MFSD8: variants seen among roughly 807,000 people sequenced by gnomAD.
The protein encoded by MFSD8 is major facilitator superfamily domain-containing protein 8.
A neutral mutation model predicts 66.4 loss-of-function variants in MFSD8; 55 were observed. The ratio of observed to expected loss-of-function variants is 0.83; its 90% CI spans 0.67 to 1.04. MFSD8 has a LOEUF of 1.04. MFSD8 is among the 50% of genes least tolerant of loss of function. The probability of loss-of-function intolerance (pLI) is 0.00; values close to 1 mark genes in which losing one functional copy is unlikely to be tolerated. For missense variants in MFSD8, 550 were observed against 627.6 expected, an observed-to-expected ratio of 0.88 and a Z score of 1.32; for synonymous variants, 202 against 212.8, an observed-to-expected ratio of 0.95 and a Z score of 0.44.
At position 127,933,022 on chromosome 4, in the gene MFSD8, A is replaced by C. The variant is rs756815122; in HGVS notation, c.826T>G (p.Phe276Val). 3 of 1,613,826 alleles carry C rather than the reference A, an allele frequency of 1.9e-6. No individual in the cohort carries two copies. The South Asian group carries it at 3.3e-5, about 18-fold the overall frequency. ...GCAAAGATAAATAGAGTCACAAAAA[A>C]CAGAACATTGATGGCCACAACAGCA... ...QVAVVAINVL[F>V]FVTLFIFALF... Residue 276 changes from phenylalanine to valine, a missense_variant, in exon 8 of 12, where the codon TTT becomes GTT. By Grantham distance (50) the Phe-to-Val change is conservative. Transcript: ENST00000641686.
chr4:127,921,633 A>G lies in MFSD8; in HGVS notation c.1241T>C (p.Ile414Thr). Residue 414 changes from isoleucine (I) to threonine (T), a missense_variant, in exon 11 of 12, where the codon ATT (isoleucine) becomes ACT (threonine). Coordinates refer to ENST00000641686, the MANE Select transcript of MFSD8 (RefSeq NM_001371596.2). ...TGATGTAAGGAACTGGGCCAGATGA[A>G]TCACCGGGGTGTAGAGGCACCAGGC... is the stretch of plus-strand genomic sequence containing the variant. ...EQAWCLYTPVIHLAQFLTSAV... is the reference protein window; with the variant it reads ...EQAWCLYTPVTHLAQFLTSAV... 1 of 1,614,216 alleles carries G rather than the reference A, an allele frequency of 6.2e-7. No homozygotes were observed. The highest frequency in any genetic ancestry group is 1.1e-5 in the South Asian group (1 of 91,084).
At chr4:127,940,609 T>A (rs1450340006) in intron 5 of MFSD8, among the ~76,000 whole-genome samples, 2 of 149,890 alleles carry the variant, frequency 1.3e-5, no homozygotes, top group African/African-American at 2.5e-5. Flanking sequence ...AAAAAAAAAA[T>A]TATTTCATCC....
chr4:127,965,287 G>C, upstream of MFSD8: 1 of 947,252 alleles, frequency 1.1e-6, no homozygotes, highest in Admixed American at 2.1e-5. Context: ...CATAGGCGGG[G>C]TCACGCGGAA....
intron 2 of MFSD8, among the ~76,000 whole-genome samples, chr4:127,955,668 G>A (rs998503774): frequency 9.2e-5 from 14 of 152,000 alleles, no homozygotes; most frequent in Non-Finnish European, 2.1e-4. Context: ...ATGCAGGAAG[G>A]GTTCTCTGCT....
chr4:127,932,846 T>A (rs1329892811), intron 8 of MFSD8, 139 bp downstream of exon 8: 1 of 644,774 alleles, frequency 1.6e-6, no homozygotes, highest in Non-Finnish European at 2.7e-6. Context: ...ACAAAATGTA[T>A]ATACATTTTT....
Position 127,920,577 on chromosome 4 carries a change from T to A in MFSD8, c.*53A>T. 1 of 1,579,290 alleles carries A rather than the reference T, an allele frequency of 6.3e-7. No individual in the cohort carries two copies. Among genetic ancestry groups the A allele is most frequent in the East Asian group, 2.2e-5 (1 of 44,714 alleles). On this transcript the variant is annotated 3_prime_UTR_variant, in exon 12 of 12. Transcript: ENST00000641686. ...CTCACCGCAATTGTCTAGCAGAGCT[T>A]TAGACCAGGAAGTGCCACACAGCAA...
chr4:127,928,431 C>A (rs1737574631), intron 9 of MFSD8, among the ~76,000 whole-genome samples: 1 of 152,186 alleles, frequency 6.6e-6, no homozygotes, highest in East Asian at 1.9e-4. Flanking sequence ...CAAAATGATT[C>A]TTTTAAACAG....
intron 7 of MFSD8, among the ~76,000 whole-genome samples, chr4:127,935,700 C>A (rs928991885): frequency 1.3e-5 from 2 of 152,170 alleles, no homozygotes; most frequent in African/African-American, 4.8e-5. Context: ...TGCTGCCCAA[C>A]AGAACTGTGA....
chr4:127,938,582 CA>C lies in MFSD8; in HGVS notation c.754+200del, dbSNP rs1174151589. Among the ~76,000 whole-genome samples, 1,090 of 110,510 alleles carry C rather than the reference CA, an allele frequency of 9.9e-3. 29 individuals are homozygous for C. The highest frequency in any genetic ancestry group is 0.032 in the African/African-American group (910 of 28,546). The allele number at this position is 110,510 out of a possible 152,430, so 72.5% of individuals were successfully genotyped here. A position where few individuals can be genotyped will look rare whatever the true frequency, so the allele number is the denominator to read the frequency against. Reference sequence around the variant, plus strand: ...TGGGCGACAGAGCGAAACTCTGTCTCAAAAAAAAAAAAATAAATAAATAAAT... The same window carrying C: ...TGGGCGACAGAGCGAAACTCTGTCTCAAAAAAAAAAAATAAATAAATAAAT... On this transcript the variant is annotated intron_variant, in intron 7 of 11. Coordinates refer to ENST00000641686, the MANE Select transcript of MFSD8 (RefSeq NM_001371596.2).
chr4:127,943,750 A>T lies in MFSD8; in HGVS notation c.439+2T>A. 3.1e-6 allele frequency: 5 copies of T among 1,614,132 alleles called. No individual in the cohort carries two copies. Among genetic ancestry groups the T allele is most frequent in the Non-Finnish European group, 4.2e-6 (5 of 1,180,032 alleles). On this transcript the variant is annotated splice_donor_variant, in intron 4 of 11. Coordinates refer to ENST00000641686, the MANE Select transcript of MFSD8 (RefSeq NM_001371596.2). LOFTEE classifies it high-confidence loss of function. ...CAACCAAACATATACATACAACCTT[A>T]CCTGCTCCAATTCCCAACAATCCAC...
chr4:127,949,889 T>C (rs368064320), intron 2 of MFSD8, 42 bp from the exon 3 acceptor site: 43 of 1,516,978 alleles, frequency 2.8e-5, no homozygotes, highest in East Asian at 2.7e-4. Flanking sequence ...TATAATAATT[T>C]AATCATTATT....
rs554309925 is a variant in MFSD8 at position 127,963,182 on chromosome 4, A to C, written c.62+1890T>G. Among the ~76,000 whole-genome samples, 109 of 152,354 alleles carry C rather than the reference A, an allele frequency of 7.2e-4. 1 individual carries two copies. In the South Asian group the frequency reaches 0.013, roughly 18 times the overall value. On this transcript the variant is annotated intron_variant, in intron 1 of 11. Coordinates refer to ENST00000641686, the MANE Select transcript of MFSD8 (RefSeq NM_001371596.2). ...ATTAGTCTTTCTTTGTACATTTGGC[A>C]TAGGACAAAGGCGAGCTCATTTTGG...
chr4:127,923,534 T>G (rs1483909055), intron 9 of MFSD8, among the ~76,000 whole-genome samples: 7 of 130,564 alleles, frequency 5.4e-5, no homozygotes, highest in Middle Eastern at 3.7e-3. Flanking sequence ...TTTTCCAGTA[T>G]TTTATTTTTT....
rs1176834628 is a variant in MFSD8 at position 127,918,445 on chromosome 4, TA to T, written c.*2184del. ...TGTAAGGTTAAGTTTATCTAAATTT[TA>T]ATCAATATTATAAACCTTTGAAAGC... On this transcript the variant is annotated 3_prime_UTR_variant, in exon 12 of 12. Transcript: ENST00000641686. The T allele has an allele frequency of 6.6e-6, 1 of 152,220 alleles. No individual in the cohort carries two copies. Among genetic ancestry groups the T allele is most frequent in the African/African-American group, 2.4e-5 (1 of 41,464 alleles). 9.4% of individuals were successfully genotyped at this position (152,220 alleles called of 1,614,324 possible).
At chr4:127,939,158 C>A in intron 6 of MFSD8, 1 of 181,366 alleles carries the variant, frequency 5.5e-6, no homozygotes, top group Non-Finnish European at 1.1e-5. Context: ...ATAAAGCACT[C>A]TAAATAAAAC....
At position 127,918,405 on chromosome 4, in the gene MFSD8, A is replaced by G. The variant is rs1366984439; in HGVS notation, c.*2225T>C. The stretch of plus-strand genomic sequence containing the variant: ...AGAAAATGCTCTCAATAAAAAGGAA[A>G]GTAAGAGTCATTTGTGTAAGGTTAA... On this transcript the variant is annotated 3_prime_UTR_variant, in exon 12 of 12. Transcript: ENST00000641686. 6.6e-6 allele frequency: 1 copy of G among 152,198 alleles called. No homozygotes were observed. The highest frequency in any genetic ancestry group is 6.6e-5 in the Admixed American group (1 of 15,250). The allele number at this position is 152,198 out of a possible 1,614,324, so 9.4% of individuals were successfully genotyped here.
At chr4:127,928,389 G>T (rs557015705) in intron 9 of MFSD8, among the ~76,000 whole-genome samples, 30 of 152,192 alleles carry the variant, frequency 2.0e-4, no homozygotes, top group African/African-American at 6.7e-4. Flanking sequence ...AAAATGCTGG[G>T]ATTACAGGCA....
intron 2 of MFSD8, among the ~76,000 whole-genome samples, chr4:127,955,282 G>T (rs547811203): frequency 1.9e-4 from 29 of 152,156 alleles, no homozygotes; most frequent in African/African-American, 5.5e-4. Flanking sequence ...GCCAGGCTAG[G>T]CTGTAATCCT....
chr4:127,962,823 T>C (rs1327832279), intron 1 of MFSD8, among the ~76,000 whole-genome samples: 1 of 152,196 alleles, frequency 6.6e-6, no homozygotes, highest in African/African-American at 2.4e-5. Context: ...CAAGTAAAGA[T>C]AAAACTGCAT....
Sources: gnomAD v4.1 joint callset for allele counts (sites outside exome capture counted in the v4.1 genomes callset) on GRCh38, gnomAD v4.1.1 for gene constraint, MANE v1.5 for transcripts, NCBI Gene and HGNC (gene_info 2026-07-23, HGNC 2026-07-21) for gene names.